The following LRSAM1 variants were observed in gnomAD, a reference collection of about 807,000 sequenced individuals.
LRSAM1 encodes E3 ubiquitin-protein ligase LRSAM1.
Under a neutral mutation model 118.1 loss-of-function variants are expected in LRSAM1, and 96 were observed. The ratio of observed to expected loss-of-function variants is 0.81; its 90% confidence interval spans 0.69 to 0.96. LRSAM1 has a LOEUF of 0.96. Ranked by LOEUF, LRSAM1 falls within the 40% of genes least tolerant of loss-of-function variation. The pLI is 0.00. For synonymous variants in LRSAM1, 322 were observed against 364.2 expected, an observed-to-expected ratio of 0.88 and a Z score of 1.32; for missense variants, 804 against 915.5, an observed-to-expected ratio of 0.88 and a Z score of 1.57.
At chr9:127,480,019 C>T (rs768658255) in intron 14 of LRSAM1, 41 bp downstream of exon 14, 19 of 1,613,864 alleles carry the variant, frequency 1.2e-5, no homozygotes, top group Non-Finnish European at 8.5e-7. Flanking sequence ...GAGTCCTTCC[C>T]CGTGCAGTCC....
chr9:127,486,111 T>C (rs1835719924), intron 17 of LRSAM1, among the ~76,000 whole-genome samples: 2 of 152,250 alleles, frequency 1.3e-5, no homozygotes, highest in South Asian at 2.1e-4. Context: ...CATTCGCTGA[T>C]TGATTCTAGG....
intron 23 of LRSAM1, among the ~76,000 whole-genome samples, chr9:127,496,692 G>C (rs1012422722): frequency 6.6e-6 from 1 of 152,190 alleles, no homozygotes; most frequent in South Asian, 2.1e-4. Context: ...ACACAGCAGA[G>C]TGAGGTCTCC....
At chr9:127,481,152 C>G in intron 14 of LRSAM1, 31 bp from the exon 15 acceptor site, 1 of 1,613,614 alleles carries the variant, frequency 6.2e-7, no homozygotes, top group East Asian at 2.2e-5. Flanking sequence ...CTGCTGGTGA[C>G]TGCCAGGACC....
intron 15 of LRSAM1, among the ~76,000 whole-genome samples, chr9:127,482,165 C>T (rs1272847002): frequency 8.9e-5 from 11 of 122,992 alleles, no homozygotes; most frequent in African/African-American, 1.6e-4. Context: ...TTTTTTGAGA[C>T]GGAGTCTCAC....
rs1836464648 is a variant in LRSAM1, at chr9:127,503,240, G to A, written c.*341G>A. ...AGGCCACCGCCCCTGCAGGAGCTTG[G>A]GTCCTCATCTGGGGGCCATGCACAG... On this transcript the variant is annotated 3_prime_UTR_variant, in exon 26 of 26. Coordinates refer to ENST00000300417, the MANE Select transcript of LRSAM1 (RefSeq NM_001005373.4). 1 of 368,716 alleles carries A rather than the reference G, an allele frequency of 2.7e-6. No homozygotes were observed. Among genetic ancestry groups the A allele is most frequent in the East Asian group, 6.6e-5 (1 of 15,066 alleles). 22.8% of individuals were successfully genotyped at this position (368,716 alleles called of 1,614,324 possible). A position where few individuals can be genotyped will look rare whatever the true frequency, so the allele number is the denominator to read the frequency against.
intron 21 of LRSAM1, among the ~76,000 whole-genome samples, chr9:127,494,870 C>CCAT (rs1225047366): frequency 1.3e-5 from 2 of 152,172 alleles, no homozygotes; most frequent in Admixed American, 6.5e-5. Context: ...GAGCAAGAGT[C>CCAT]CATCTCAAAA....
intron 10 of LRSAM1, among the ~76,000 whole-genome samples, chr9:127,471,295 A>T (rs1482320969): frequency 1.3e-5 from 2 of 151,546 alleles, no homozygotes; most frequent in Non-Finnish European, 1.5e-5. Context: ...CAACATGGCA[A>T]AACTTCATCT....
intron 24 of LRSAM1, among the ~76,000 whole-genome samples, chr9:127,498,203 G>A (rs1464329605): frequency 6.6e-6 from 1 of 152,190 alleles, no homozygotes; most frequent in Non-Finnish European, 1.5e-5. Flanking sequence ...CAGGGGGCTG[G>A]GCTGACTGCA....
intron 18 of LRSAM1, among the ~76,000 whole-genome samples, chr9:127,488,820 G>A (rs1835825026): frequency 6.6e-6 from 1 of 151,202 alleles, no homozygotes; most frequent in East Asian, 2.0e-4. Context: ...CAAACTCCTG[G>A]GCTCAAGCAA....
chr9:127,470,347 G>A (rs560220678), intron 10 of LRSAM1, among the ~76,000 whole-genome samples: 2 of 152,038 alleles, frequency 1.3e-5, no homozygotes, highest in African/African-American at 4.8e-5. Context: ...AAGTGAAGAG[G>A]GAAGCCCCTT....
rs377144291 is a variant in LRSAM1, at chr9:127,485,729, C to T, written c.1160-7C>T. The T allele has an allele frequency of 1.2e-6, 2 of 1,613,874 alleles. No individual in the cohort carries two copies. Among genetic ancestry groups the T allele is most frequent in the Non-Finnish European group, 1.7e-6 (2 of 1,179,978 alleles). On this transcript the variant is annotated splice_region_variant and splice_polypyrimidine_tract_variant and intron_variant, in intron 16 of 25. Coordinates refer to ENST00000300417, the MANE Select transcript of LRSAM1 (RefSeq NM_001005373.4). ...CACTCAGCTGTCCCCACCTCATGTT[C>T]CCACAGCCGCCATGCAGCAGATGCT... is the stretch of plus-strand genomic sequence containing the variant.
At chr9:127,473,067 G>T (rs566181269) in intron 10 of LRSAM1, among the ~76,000 whole-genome samples, 1 of 152,148 alleles carries the variant, frequency 6.6e-6, no homozygotes, top group East Asian at 1.9e-4. Context: ...TCTGCTAATC[G>T]GATGGATAAC....
chr9:127,489,057 A>G (rs185897239), intron 18 of LRSAM1, among the ~76,000 whole-genome samples: 1 of 152,232 alleles, frequency 6.6e-6, no homozygotes, highest in East Asian at 1.9e-4. Context: ...GTCTGAGGAA[A>G]ATTCTCCATT....
chr9:127,482,559 C>G (rs751817914), intron 15 of LRSAM1, among the ~76,000 whole-genome samples: 1 of 152,222 alleles, frequency 6.6e-6, no homozygotes, highest in Admixed American at 6.5e-5. Context: ...GTGCCCATTT[C>G]TCCACCACCA....
intron 8 of LRSAM1, among the ~76,000 whole-genome samples, chr9:127,461,788 C>T (rs1239132128): frequency 6.6e-6 from 1 of 152,272 alleles, no homozygotes. Context: ...CGCAGGAGCG[C>T]TCTGCTCGCC....
intron 10 of LRSAM1, among the ~76,000 whole-genome samples, chr9:127,473,249 C>A (rs558297566): frequency 3.9e-4 from 60 of 152,240 alleles, no homozygotes; most frequent in Middle Eastern, 3.4e-3. Flanking sequence ...CGGAAGGACA[C>A]CATCATCAAA....
chr9:127,496,377 T>A (rs564444003), intron 23 of LRSAM1, among the ~76,000 whole-genome samples: 1 of 152,328 alleles, frequency 6.6e-6, no homozygotes, highest in South Asian at 2.1e-4. Flanking sequence ...CCTTGGGGCT[T>A]ATCTGATCCA....
In LRSAM1 at chr9:127,485,752, G is replaced by T; in HGVS notation, c.1176G>T (p.Met392Ile). 6.2e-7 allele frequency: 1 copy of T among 1,614,110 alleles called. No homozygotes were observed. Residue 392 changes from methionine to isoleucine, a missense_variant, in exon 17 of 26, where the codon ATG (methionine) becomes ATT (isoleucine). By Grantham distance (10) the Met-to-Ile change is conservative (BLOSUM62 1). Transcript: ENST00000300417. ...RRDVASAMQQ[M>I]LTESCKNRLI... ...TTCCCACAGCCGCCATGCAGCAGATGCTGACTGAGAGCTGTAAGAACCGGC... is the reference window on the plus strand; with the variant it reads ...TTCCCACAGCCGCCATGCAGCAGATTCTGACTGAGAGCTGTAAGAACCGGC...
In LRSAM1 at chr9:127,503,000, C is replaced by T; in HGVS notation, c.*101C>T. 1.3e-6 allele frequency: 2 copies of T among 1,481,826 alleles called. No individual in the cohort carries two copies. The highest frequency in any genetic ancestry group is 2.4e-5 in the South Asian group (2 of 82,328). The allele number at this position is 1,481,826 out of a possible 1,614,324, so 91.8% of individuals were successfully genotyped here. A position where few individuals can be genotyped will look rare whatever the true frequency, so the allele number is the denominator to read the frequency against. On this transcript the variant is annotated 3_prime_UTR_variant, in exon 26 of 26. Coordinates refer to ENST00000300417, the MANE Select transcript of LRSAM1 (RefSeq NM_001005373.4). ...TGCCAGCCAGACTCGTATGAGGCTC[C>T]CCCCTGCCCTGGGCCCCTTCCCCAC...
Sources: gnomAD v4.1 joint callset for allele counts (sites outside exome capture counted in the v4.1 genomes callset) on GRCh38, gnomAD v4.1.1 for gene constraint, MANE v1.5 for transcripts, NCBI Gene and HGNC (gene_info 2026-07-23, HGNC 2026-07-21) for gene names.